Variants in PPARGC1A observed in about 807,000 individuals in gnomAD.
The protein encoded by PPARGC1A is PPARG coactivator 1 alpha, also known as peroxisome proliferator-activated receptor gamma coactivator 1-alpha.
In PPARGC1A, 25 loss-of-function variants were observed where a neutral mutation model predicts 88.7. The observed-to-expected ratio is 0.28, with a 90% CI of 0.21 to 0.39. The LOEUF (loss-of-function observed/expected upper bound fraction) is 0.39, where lower values mean the gene tolerates loss of function less well. Ranked by LOEUF, PPARGC1A falls within the 10% of genes least tolerant of loss-of-function variation. The probability of loss-of-function intolerance (pLI) is 1.00; values close to 1 mark genes in which losing one functional copy is unlikely to be tolerated. For synonymous variants in PPARGC1A, 363 were observed against 355.6 expected (o/e 1.02, Z -0.24); for missense variants, 880 against 968.7 (o/e 0.91, Z 1.22).
chr4:24,033,617 C>CT, the PPARGC1A span, among the ~76,000 whole-genome samples: 1 of 152,212 alleles, frequency 6.6e-6, no homozygotes, highest in African/African-American at 2.4e-5. Context: ...CATAAGCCAC[C>CT]TTTTTTACTA....
At chr4:23,920,531 C>T in the PPARGC1A span, among the ~76,000 whole-genome samples, 1 of 152,082 alleles carries the variant, frequency 6.6e-6, no homozygotes, top group African/African-American at 2.4e-5. Flanking sequence ...AAGCAGTAGC[C>T]ATGACAGGGC....
the PPARGC1A span, among the ~76,000 whole-genome samples, chr4:24,216,565 T>A: frequency 6.6e-6 from 1 of 152,182 alleles, no homozygotes; most frequent in African/African-American, 2.4e-5. Flanking sequence ...CCGCTGAGAC[T>A]TTTTTTGCCC....
the PPARGC1A span, among the ~76,000 whole-genome samples, chr4:24,138,756 A>G: frequency 1.3e-5 from 2 of 152,172 alleles, no homozygotes; most frequent in African/African-American, 4.8e-5. Flanking sequence ...CCTGTAGCCT[A>G]CAGACTCAGT....
chr4:23,894,206 C>T (rs976906219), upstream of PPARGC1A, among the ~76,000 whole-genome samples: 1 of 152,072 alleles, frequency 6.6e-6, no homozygotes, highest in Non-Finnish European at 1.5e-5. Context: ...CTAGAGCATT[C>T]GTCCAGAAAG....
the PPARGC1A span, among the ~76,000 whole-genome samples, chr4:24,393,547 A>G: frequency 1.3e-5 from 2 of 152,232 alleles, no homozygotes; most frequent in African/African-American, 2.4e-5. Flanking sequence ...CTCTCACTAG[A>G]GGGATCAGGG....
chr4:24,151,614 T>C, the PPARGC1A span, among the ~76,000 whole-genome samples: 1 of 152,190 alleles, frequency 6.6e-6, no homozygotes, highest in South Asian at 2.1e-4. Context: ...TTCTTTATAT[T>C]GATTAAACAT....
chr4:23,921,859 T>C, the PPARGC1A span, among the ~76,000 whole-genome samples: 1 of 152,204 alleles, frequency 6.6e-6, no homozygotes, highest in African/African-American at 2.4e-5. Context: ...ACGGAATACC[T>C]CTTCTTGGCC....
the PPARGC1A span, among the ~76,000 whole-genome samples, chr4:24,460,424 T>C: frequency 6.6e-6 from 1 of 152,156 alleles, no homozygotes; most frequent in Non-Finnish European, 1.5e-5. Context: ...AAAGAATGAA[T>C]ATGGCCAAAA....
At chr4:24,181,569 C>G in the PPARGC1A span, among the ~76,000 whole-genome samples, 5 of 152,104 alleles carry the variant, frequency 3.3e-5, no homozygotes, top group Admixed American at 6.6e-5. Flanking sequence ...GCCACAGACT[C>G]TATCCAGATC....
At chr4:24,322,192 T>C in the PPARGC1A span, among the ~76,000 whole-genome samples, 3 of 152,234 alleles carry the variant, frequency 2.0e-5, no homozygotes, top group East Asian at 1.9e-4. Context: ...TTTGCCCACA[T>C]ACCAAATCTG....
the PPARGC1A span, among the ~76,000 whole-genome samples, chr4:24,434,637 C>G: frequency 6.6e-6 from 1 of 152,166 alleles, no homozygotes; most frequent in Non-Finnish European, 1.5e-5. Context: ...AAGGCTCAGA[C>G]AGAATAAGTG....
the PPARGC1A span, among the ~76,000 whole-genome samples, chr4:24,083,744 T>G: frequency 6.6e-6 from 1 of 152,208 alleles, no homozygotes; most frequent in East Asian, 1.9e-4. Flanking sequence ...TCCCACATGC[T>G]TCTTCTGCTA....
the PPARGC1A span, among the ~76,000 whole-genome samples, chr4:24,066,651 C>T: frequency 6.6e-6 from 1 of 152,180 alleles, no homozygotes; most frequent in East Asian, 1.9e-4. Context: ...GGGAAAAGGT[C>T]CCCTGGGGTT....
the PPARGC1A span, among the ~76,000 whole-genome samples, chr4:23,979,796 C>T: frequency 2.6e-5 from 4 of 152,150 alleles, no homozygotes; most frequent in Non-Finnish European, 4.4e-5. Flanking sequence ...CAGCATGCAC[C>T]TTTGTGCCTC....
chr4:23,983,758 T>C, the PPARGC1A span, among the ~76,000 whole-genome samples: 19 of 151,880 alleles, frequency 1.3e-4, no homozygotes, highest in Non-Finnish European at 1.8e-4. Context: ...TTTCCAGTGT[T>C]TTTACAAGAA....
the PPARGC1A span, among the ~76,000 whole-genome samples, chr4:24,163,424 T>G: frequency 6.6e-6 from 1 of 152,014 alleles, no homozygotes; most frequent in African/African-American, 2.4e-5. Flanking sequence ...TTTTAAAATA[T>G]CAGCACTTTT....
the PPARGC1A span, among the ~76,000 whole-genome samples, chr4:24,034,730 AGATT>A: frequency 6.6e-6 from 1 of 152,194 alleles, no homozygotes. Context: ...TGGAATAGAT[AGATT>A]AATTTTTAAA....
rs752233033 is a variant in PPARGC1A at position 23,805,243 on chromosome 4, AC to A, written c.2020-2899del. ...TGTTTTATCACAGAAAAAAAAAAAA[AC>A]CTTGCTCAAGTAGCTCAGCTGAGTG... On this transcript the variant is annotated intron_variant, in intron 10 of 12. Coordinates refer to ENST00000264867, the MANE Select transcript of PPARGC1A (RefSeq NM_013261.5). Among the ~76,000 whole-genome samples, 6 of 152,090 alleles carry A rather than the reference AC, an allele frequency of 3.9e-5. No homozygotes were observed. In the South Asian group the frequency reaches 1.2e-3, roughly 32 times the overall value.
the PPARGC1A span, among the ~76,000 whole-genome samples, chr4:24,273,882 C>A: frequency 6.6e-6 from 1 of 151,746 alleles, no homozygotes; most frequent in Admixed American, 6.6e-5. Flanking sequence ...AGGCACCCGC[C>A]ACCACGCCCA....
Sources: gnomAD v4.1 joint callset for allele counts (sites outside exome capture counted in the v4.1 genomes callset) on GRCh38, gnomAD v4.1.1 for gene constraint, MANE v1.5 for transcripts, NCBI Gene and HGNC (gene_info 2026-07-23, HGNC 2026-07-21) for gene names.